The following TAOK1 variants were observed in gnomAD, a reference collection of about 807,000 sequenced individuals.
TAOK1 encodes TAO kinase 1.
Under a neutral mutation model 138.3 loss-of-function variants are expected in TAOK1, and 21 were observed. The ratio of observed to expected loss-of-function variants is 0.15; its 90% confidence interval spans 0.11 to 0.22. TAOK1 has a LOEUF of 0.22. TAOK1 is among the 10% of genes least tolerant of loss of function. The pLI is 1.00. For synonymous variants in TAOK1, 361 were observed against 398.4 expected, an observed-to-expected ratio of 0.91 and a Z score of 1.12; for missense variants, 651 against 1,227.7, an observed-to-expected ratio of 0.53 and a Z score of 7.02.
intron 1 of TAOK1, among the ~76,000 whole-genome samples, chr17:29,434,186 G>A (rs569659980): frequency 2.6e-5 from 4 of 152,250 alleles, no homozygotes; most frequent in African/African-American, 9.6e-5. Context: ...GGGCTTTTGG[G>A]TTCCCTTCCT....
At chr17:29,535,545 G>T (rs1012199173) in intron 19 of TAOK1, among the ~76,000 whole-genome samples, 6 of 152,040 alleles carry the variant, frequency 3.9e-5, no homozygotes, top group Non-Finnish European at 5.9e-5. Context: ...AAAATAGAAT[G>T]CCTTATTAAA....
At chr17:29,402,893 G>A (rs572559923) in intron 1 of TAOK1, among the ~76,000 whole-genome samples, 3 of 151,704 alleles carry the variant, frequency 2.0e-5, no homozygotes, top group Admixed American at 6.6e-5. Context: ...AAAAAAATTA[G>A]GCCCGGCGCA....
rs2032446385 is a variant in TAOK1, at chr17:29,548,921, G to A, written c.*5899G>A. The A allele has an allele frequency of 1.3e-5, 2 of 152,128 alleles. No individual in the cohort carries two copies. The highest frequency in any genetic ancestry group is 2.4e-5 in the African/African-American group (1 of 41,424). The allele number at this position is 152,128 out of a possible 1,614,324, so 9.4% of individuals were successfully genotyped here. The stretch of plus-strand genomic sequence containing the variant: ...GAAGCTTAATCATGGTCAGGTTTGA[G>A]ATCTTTTGCAGTGAAATAATTTTAT... On this transcript the variant is annotated 3_prime_UTR_variant, in exon 20 of 20. Transcript: ENST00000261716.
intron 2 of TAOK1, among the ~76,000 whole-genome samples, chr17:29,462,304 A>G (rs1011648166): frequency 4.6e-5 from 7 of 152,224 alleles, no homozygotes; most frequent in Non-Finnish European, 8.8e-5. Context: ...TCAGATGTCC[A>G]AAAGGATCAC....
chr17:29,523,961 C>T (rs2031964633), intron 17 of TAOK1, among the ~76,000 whole-genome samples: 1 of 152,136 alleles, frequency 6.6e-6, no homozygotes, highest in Non-Finnish European at 1.5e-5. Flanking sequence ...GTGTCAAAAT[C>T]TAGAAGCTAT....
intron 3 of TAOK1, among the ~76,000 whole-genome samples, chr17:29,469,977 A>T (rs2030775659): frequency 6.6e-6 from 1 of 152,228 alleles, no homozygotes; most frequent in South Asian, 2.1e-4. Context: ...GAAATAACAT[A>T]GGAGGTATAT....
At chr17:29,442,450 A>G (rs1405583359) in intron 1 of TAOK1, among the ~76,000 whole-genome samples, 1 of 146,916 alleles carries the variant, frequency 6.8e-6, no homozygotes, top group African/African-American at 2.5e-5. Context: ...ATATTTTTGT[A>G]AGTTTAGTGG....
chr17:29,451,406 T>C (rs756946218), intron 1 of TAOK1, 49 bp from the exon 2 acceptor site: 5 of 889,652 alleles, frequency 5.6e-6, no homozygotes, highest in Non-Finnish European at 8.2e-6. Flanking sequence ...TACTAATTAT[T>C]CTTAGCAGTT....
At position 29,543,924 on chromosome 17, in the gene TAOK1, G is replaced by C. The variant is rs1283281780; in HGVS notation, c.*902G>C. The C allele has an allele frequency of 6.6e-6, 1 of 152,198 alleles. No individual in the cohort carries two copies. Among genetic ancestry groups the C allele is most frequent in the Non-Finnish European group, 1.5e-5 (1 of 68,026 alleles). The allele number at this position is 152,198 out of a possible 1,614,324, so 9.4% of individuals were successfully genotyped here. ...CATATGGTGGGTATGTCCCGCAGCA[G>C]AGTGAGGAGATGAAGCTTACGTGTC... On this transcript the variant is annotated 3_prime_UTR_variant, in exon 20 of 20. Transcript: ENST00000261716.
chr17:29,431,725 C>T (rs948354287), intron 1 of TAOK1, among the ~76,000 whole-genome samples: 23 of 151,744 alleles, frequency 1.5e-4, no homozygotes, highest in African/African-American at 9.7e-5. Context: ...CTGCAACCTC[C>T]GCCTCCTTGG....
At chr17:29,432,801 CAG>C (rs1364570096) in intron 1 of TAOK1, among the ~76,000 whole-genome samples, 1 of 151,182 alleles carries the variant, frequency 6.6e-6, no homozygotes, top group African/African-American at 2.4e-5. Flanking sequence ...TAGAGAGAGA[CAG>C]AGTTGTGCTC....
At chr17:29,447,659 ATTTTT>A (rs1158926971) in intron 1 of TAOK1, among the ~76,000 whole-genome samples, 7 of 147,100 alleles carry the variant, frequency 4.8e-5, no homozygotes, top group East Asian at 1.9e-4. Flanking sequence ...ATTTTATTTT[ATTTTT>A]TTTTTTTTTT....
chr17:29,526,031 T>C (rs543104199), intron 17 of TAOK1, among the ~76,000 whole-genome samples: 1 of 152,162 alleles, frequency 6.6e-6, no homozygotes, highest in East Asian at 1.9e-4. Context: ...TGGTGGCTCA[T>C]ACCTGTAATC....
intron 6 of TAOK1, among the ~76,000 whole-genome samples, chr17:29,479,449 A>G (rs995995824): frequency 1.3e-5 from 2 of 151,982 alleles, no homozygotes; most frequent in Non-Finnish European, 2.9e-5. Context: ...TTTAAACTAT[A>G]TAATAGAGTC....
At position 29,433,606 on chromosome 17, in the gene TAOK1, G is replaced by T. The variant is rs562443250; in HGVS notation, c.-94-17849G>T. On this transcript the variant is annotated intron_variant, in intron 1 of 19. Transcript: ENST00000261716. Reference sequence around the variant, plus strand: ...GCAGAGGGTTTTATTGGGTGAAAAGGGAAAAAAAGGGGAAATAGGGATACT... The same window carrying T: ...GCAGAGGGTTTTATTGGGTGAAAAGTGAAAAAAAGGGGAAATAGGGATACT... Among the ~76,000 whole-genome samples, 3 of 151,968 alleles carry T rather than the reference G, an allele frequency of 2.0e-5. No individual in the cohort carries two copies. In the South Asian group the frequency reaches 6.2e-4, roughly 32 times the overall value.
chr17:29,423,439 G>A (rs1181343515), intron 1 of TAOK1, among the ~76,000 whole-genome samples: 4 of 151,368 alleles, frequency 2.6e-5, no homozygotes, highest in Non-Finnish European at 5.9e-5. Flanking sequence ...GGATGGTCTC[G>A]ATCTCCTGAC....
At chr17:29,507,768 C>A in intron 13 of TAOK1, 128 bp from the exon 14 acceptor site, 1 of 838,824 alleles carries the variant, frequency 1.2e-6, no homozygotes, top group Non-Finnish European at 1.8e-6. Flanking sequence ...TGGAAATTTC[C>A]TTGGAATCTG....
chr17:29,476,289 A>C (rs1051791092), intron 4 of TAOK1, among the ~76,000 whole-genome samples: 1 of 152,196 alleles, frequency 6.6e-6, no homozygotes, highest in African/African-American at 2.4e-5. Context: ...ATTTTGAATA[A>C]TTAATAAGTC....
At chr17:29,414,748 G>A (rs1478613754) in intron 1 of TAOK1, among the ~76,000 whole-genome samples, 1 of 150,552 alleles carries the variant, frequency 6.6e-6, no homozygotes, top group African/African-American at 2.4e-5. Flanking sequence ...TAATAGAGAC[G>A]GGGTTTCACC....
Sources: allele counts gnomAD v4.1 joint callset (sites outside exome capture counted in the v4.1 genomes callset), GRCh38; gene constraint gnomAD v4.1.1; transcripts MANE v1.5; gene names NCBI Gene and HGNC (gene_info 2026-07-23, HGNC 2026-07-21).